DLGAP1: variants seen among roughly 807,000 people sequenced by gnomAD.
The protein encoded by DLGAP1 is disks large-associated protein 1.
Under a neutral mutation model 90.8 loss-of-function variants are expected in DLGAP1, and 11 were observed. The observed-to-expected ratio is 0.12, with a 90% CI of 0.08 to 0.20. The LOEUF is 0.20. Among genes scored for constraint, DLGAP1 ranks in the 10% least tolerant of loss-of-function variants. The pLI is 1.00. For synonymous variants in DLGAP1, 558 were observed against 540.7 expected (o/e 1.03, Z -0.44); for missense variants, 1,050 against 1,333.8 (o/e 0.79, Z 3.31).
intron 3 of DLGAP1, among the ~76,000 whole-genome samples, chr18:3,999,066 C>G (rs1033283694): frequency 6.6e-6 from 1 of 152,158 alleles, no homozygotes; most frequent in South Asian, 2.1e-4. Flanking sequence ...CAAAACAAGT[C>G]TAGTTTTTCT....
chr18:3,583,643 GGTCAA>G (rs756319699), intron 7 of DLGAP1, among the ~76,000 whole-genome samples: 8 of 152,262 alleles, frequency 5.3e-5, no homozygotes, highest in Admixed American at 2.6e-4. Flanking sequence ...AGGGCAACTT[GGTCAA>G]GTCAAGGGCC....
chr18:4,329,577 C>T (rs912751234), intron 1 of DLGAP1, among the ~76,000 whole-genome samples: 6 of 151,864 alleles, frequency 4.0e-5, no homozygotes, highest in Admixed American at 6.6e-5. Flanking sequence ...TTGAAACTAT[C>T]GATCACTTTG....
At chr18:4,343,006 A>C (rs1045993278) in intron 1 of DLGAP1, among the ~76,000 whole-genome samples, 2 of 152,118 alleles carry the variant, frequency 1.3e-5, no homozygotes, top group African/African-American at 4.8e-5. Flanking sequence ...TCATAGTTGA[A>C]CACTAAGTTT....
At chr18:4,307,086 A>C (rs2080280717) in intron 1 of DLGAP1, among the ~76,000 whole-genome samples, 1 of 152,224 alleles carries the variant, frequency 6.6e-6, no homozygotes, top group Non-Finnish European at 1.5e-5. Flanking sequence ...GGGAAATTTC[A>C]GATTTTACAC....
At chr18:4,395,517 G>C (rs2082422155) in intron 1 of DLGAP1, among the ~76,000 whole-genome samples, 2 of 152,174 alleles carry the variant, frequency 1.3e-5, no homozygotes, top group African/African-American at 4.8e-5. Flanking sequence ...GACCTGCTGG[G>C]CATGCAGCTG....
chr18:3,766,434 C>A (rs117432241), intron 5 of DLGAP1, among the ~76,000 whole-genome samples: 8 of 152,176 alleles, frequency 5.3e-5, no homozygotes, highest in African/African-American at 1.4e-4. Context: ...AGAAAATCAG[C>A]AAGGATAGAC....
chr18:3,656,070 T>C, intron 7 of DLGAP1: 1 of 1,540,004 alleles, frequency 6.5e-7, no homozygotes, highest in Non-Finnish European at 8.7e-7. Context: ...GATTTTGTGG[T>C]TGTAAAAACA....
chr18:4,106,003 G>T (rs1439292045), intron 2 of DLGAP1, among the ~76,000 whole-genome samples: 2 of 130,330 alleles, frequency 1.5e-5, no homozygotes, highest in African/African-American at 5.6e-5. Context: ...CTGCACTCCA[G>T]CCTGGGCGAC....
At chr18:4,382,082 CACA>C (rs2082135454) in intron 1 of DLGAP1, among the ~76,000 whole-genome samples, 1 of 152,132 alleles carries the variant, frequency 6.6e-6, no homozygotes, top group Non-Finnish European at 1.5e-5. Flanking sequence ...AGGTCCCTCC[CACA>C]ACATGTGGGA....
chr18:4,291,972 G>A lies in DLGAP1; in HGVS notation c.-266-140685C>T, dbSNP rs371713959. 1.0e-3 allele frequency among the ~76,000 whole-genome samples: 155 copies of A among 152,214 alleles called. 3 individuals are homozygous for A. The highest frequency in any genetic ancestry group is 3.4e-3 in the African/African-American group (140 of 41,540). ...TTTGGGTTCTACATTAGAATTCTCT[G>A]GGGTACTGTTGACATTTGTTAGATT... On this transcript the variant is annotated intron_variant, in intron 1 of 12. Transcript: ENST00000315677.
intron 4 of DLGAP1, among the ~76,000 whole-genome samples, chr18:3,833,512 G>A (rs907012172): frequency 6.6e-6 from 1 of 152,114 alleles, no homozygotes; most frequent in Admixed American, 6.5e-5. Flanking sequence ...TGGGATTACA[G>A]GTGTGAGCCA....
chr18:4,421,626 CATG>C (rs2083033964), intron 1 of DLGAP1, among the ~76,000 whole-genome samples: 1 of 152,132 alleles, frequency 6.6e-6, no homozygotes, highest in African/African-American at 2.4e-5. Flanking sequence ...TTTAAATTAG[CATG>C]ATGTCTTCAG....
At chr18:3,977,570 A>G (rs6506149) in intron 3 of DLGAP1, 85,207 of 185,420 alleles carry the variant, frequency 0.46, 19,973 homozygotes, top group African/African-American at 0.53. Context: ...AGTGTTGTGG[A>G]GGACTGAGTG....
intron 2 of DLGAP1, among the ~76,000 whole-genome samples, chr18:4,109,802 T>C (rs1211734631): frequency 2.6e-5 from 4 of 152,280 alleles, no homozygotes; most frequent in African/African-American, 9.6e-5. Context: ...TTTAAATCAT[T>C]CTTCTTTACG....
intron 7 of DLGAP1, chr18:3,608,184 T>C: frequency 6.6e-6 from 1 of 152,278 alleles, no homozygotes; most frequent in Non-Finnish European, 1.5e-5. Flanking sequence ...TAGCCGGGTG[T>C]GGTGGCGCAT....
At chr18:4,435,099 T>C (rs909277914) in intron 1 of DLGAP1, among the ~76,000 whole-genome samples, 3 of 152,140 alleles carry the variant, frequency 2.0e-5, no homozygotes, top group South Asian at 2.1e-4. Context: ...AAATGATTTA[T>C]ATAATGTAAC....
intron 8 of DLGAP1, among the ~76,000 whole-genome samples, chr18:3,581,232 C>G (rs2055490904): frequency 6.6e-6 from 1 of 152,202 alleles, no homozygotes; most frequent in African/African-American, 2.4e-5. Flanking sequence ...CACAGTCCCT[C>G]TGGGAGAGCT....
intron 7 of DLGAP1, among the ~76,000 whole-genome samples, chr18:3,588,532 A>G (rs2056033596): frequency 6.6e-6 from 1 of 152,102 alleles, no homozygotes; most frequent in Non-Finnish European, 1.5e-5. Flanking sequence ...CTGTAATCCC[A>G]GCACTTTGGG....
intron 1 of DLGAP1, among the ~76,000 whole-genome samples, chr18:4,363,922 C>T (rs1272421597): frequency 3.3e-5 from 5 of 152,050 alleles, no homozygotes; most frequent in South Asian, 2.1e-4. Flanking sequence ...ACCCAAAGGA[C>T]TATAAATCAT....
Sources: gnomAD v4.1 joint callset for allele counts (sites outside exome capture counted in the v4.1 genomes callset) on GRCh38, gnomAD v4.1.1 for gene constraint, MANE v1.5 for transcripts, NCBI Gene and HGNC (gene_info 2026-07-23, HGNC 2026-07-21) for gene names.